MNAT1: variants seen among roughly 807,000 people sequenced by gnomAD.
MNAT1 encodes CDK-activating kinase assembly factor MAT1.
In MNAT1, 43 loss-of-function variants were observed where a neutral mutation model predicts 42.0. That is an observed-to-expected ratio of 1.02 (90% CI 0.80 to 1.32). The LOEUF (loss-of-function observed/expected upper bound fraction) is 1.32, where lower values mean the gene tolerates loss of function less well. Among genes scored for constraint, MNAT1 ranks in the 40% most tolerant of loss-of-function variants. MNAT1 has a pLI of 0.00. For missense variants in MNAT1, 306 were observed against 350.4 expected (o/e 0.87, Z 1.01); for synonymous variants, 118 against 120.0 (o/e 0.98, Z 0.11).
intron 6 of MNAT1, among the ~76,000 whole-genome samples, chr14:60,827,642 TA>T (rs1362543273): frequency 6.6e-6 from 1 of 152,260 alleles, no homozygotes; most frequent in Non-Finnish European, 1.5e-5. Flanking sequence ...ATTCTATTTT[TA>T]ATATATAATT....
intron 2 of MNAT1, among the ~76,000 whole-genome samples, chr14:60,796,776 A>G (rs866877130): frequency 1.3e-5 from 2 of 152,216 alleles, no homozygotes; most frequent in Admixed American, 6.5e-5. Flanking sequence ...CAAGTAAACC[A>G]AAACAAATGT....
At position 60,855,213 on chromosome 14, in the gene MNAT1, G is replaced by A. The variant is rs533414550; in HGVS notation, c.688-24501G>A. ...GACTTCACACTGCTGTGCTGGCAGCGAGAATTTCAAGCCAGTGGTTCTTAG... is the reference window on the plus strand; with the variant it reads ...GACTTCACACTGCTGTGCTGGCAGCAAGAATTTCAAGCCAGTGGTTCTTAG... On this transcript the variant is annotated intron_variant, in intron 6 of 7. Coordinates refer to ENST00000261245, the MANE Select transcript of MNAT1 (RefSeq NM_002431.4). Among the ~76,000 whole-genome samples the A allele has an allele frequency of 3.9e-5, 6 of 152,228 alleles. No homozygotes were observed. In the South Asian group the frequency reaches 8.3e-4, roughly 21 times the overall value.
rs973570911 is a variant in MNAT1 at position 60,905,115 on chromosome 14, C to T, written c.809+25280C>T. 3.3e-5 allele frequency among the ~76,000 whole-genome samples: 5 copies of T among 151,452 alleles called. 1 individual carries two copies. Among genetic ancestry groups the T allele is most frequent in the South Asian group, 4.2e-4 (2 of 4,790 alleles). Reference sequence around the variant, plus strand: ...TCGGTTAGCAAATAGTTATGAAGTGCCTACTGTGTGCCAGTTACTGTTCTG... The same window carrying T: ...TCGGTTAGCAAATAGTTATGAAGTGTCTACTGTGTGCCAGTTACTGTTCTG... On this transcript the variant is annotated intron_variant, in intron 7 of 7. Coordinates refer to ENST00000261245, the MANE Select transcript of MNAT1 (RefSeq NM_002431.4).
At chr14:60,779,278 G>T (rs1250578809) in intron 1 of MNAT1, among the ~76,000 whole-genome samples, 1 of 152,154 alleles carries the variant, frequency 6.6e-6, no homozygotes, top group East Asian at 1.9e-4. Context: ...CCTAAAAAGG[G>T]CATGGTAACC....
intron 7 of MNAT1, among the ~76,000 whole-genome samples, chr14:60,910,211 A>G (rs921998066): frequency 6.6e-6 from 1 of 152,212 alleles, no homozygotes; most frequent in African/African-American, 2.4e-5. Context: ...TTATCAGCTT[A>G]AGGAGATTTT....
chr14:60,942,034 T>TAAAAAAAAAAAAA (rs2036175057), intron 7 of MNAT1, among the ~76,000 whole-genome samples: 1 of 65,512 alleles, frequency 1.5e-5, no homozygotes, highest in African/African-American at 5.2e-5. Flanking sequence ...AAAAAAAAAG[T>TAAAAAAAAAAAAA]CAATAAATGA....
chr14:60,909,439 G>C (rs563787536), intron 7 of MNAT1, among the ~76,000 whole-genome samples: 3 of 152,036 alleles, frequency 2.0e-5, no homozygotes, highest in Non-Finnish European at 4.4e-5. Flanking sequence ...TTTTCTTCTA[G>C]GGTTTTTATG....
Position 60,914,481 on chromosome 14 carries a change from G to A in MNAT1, c.809+34646G>A, listed in dbSNP as rs117316427. 1.1e-3 allele frequency among the ~76,000 whole-genome samples: 171 copies of A among 152,096 alleles called. No individual in the cohort carries two copies. In the East Asian group the frequency reaches 0.023, roughly 21 times the overall value. On this transcript the variant is annotated intron_variant, in intron 7 of 7. Transcript: ENST00000261245. ...CATCTTGGCTCCCCAGCTTTGAATG[G>A]TGTGTCTGGATTGTTATTTTTAATT...
At chr14:60,795,988 A>G (rs923414474) in intron 1 of MNAT1, among the ~76,000 whole-genome samples, 3 of 152,148 alleles carry the variant, frequency 2.0e-5, no homozygotes, top group Admixed American at 6.5e-5. Context: ...TTTAATTTAT[A>G]AATTTGTTTG....
At chr14:60,772,391 C>G (rs912747744) in intron 1 of MNAT1, among the ~76,000 whole-genome samples, 3 of 152,280 alleles carry the variant, frequency 2.0e-5, no homozygotes, top group Admixed American at 2.0e-4. Context: ...TTGAGACCAG[C>G]CTGACCAACA....
chr14:60,779,879 A>G (rs1160299465), intron 1 of MNAT1: 10 of 696,278 alleles, frequency 1.4e-5, no homozygotes, highest in Non-Finnish European at 2.5e-5. Context: ...TTACTTTTGA[A>G]ACTCTTGGCG....
chr14:60,919,402 T>G (rs2035604196), intron 7 of MNAT1: 1 of 156,612 alleles, frequency 6.4e-6, no homozygotes, highest in South Asian at 1.9e-4. Context: ...CTGCACATCA[T>G]GAAGCTAATC....
intron 1 of MNAT1, among the ~76,000 whole-genome samples, chr14:60,769,698 C>T (rs1259372105): frequency 1.2e-4 from 18 of 151,986 alleles, no homozygotes; most frequent in Admixed American, 3.3e-4. Flanking sequence ...CTCCGTTGCC[C>T]GACTGGAGTG....
chr14:60,832,131 C>T (rs2033243664), intron 6 of MNAT1, among the ~76,000 whole-genome samples: 2 of 152,202 alleles, frequency 1.3e-5, no homozygotes, highest in South Asian at 4.1e-4. Flanking sequence ...CTGTAGGTTG[C>T]CTATTCACTC....
chr14:60,775,238 C>T (rs977558062), intron 1 of MNAT1, among the ~76,000 whole-genome samples: 2 of 152,134 alleles, frequency 1.3e-5, no homozygotes, highest in Non-Finnish European at 2.9e-5. Flanking sequence ...TCAGTTAATG[C>T]TGCTAAGAGG....
chr14:60,802,687 G>C (rs1463891109), intron 3 of MNAT1, among the ~76,000 whole-genome samples: 1 of 152,148 alleles, frequency 6.6e-6, no homozygotes, highest in Non-Finnish European at 1.5e-5. Context: ...TGTAGGAAGT[G>C]TGTTAGAGTA....
chr14:60,910,115 G>A (rs932725530), intron 7 of MNAT1, among the ~76,000 whole-genome samples: 10 of 152,052 alleles, frequency 6.6e-5, no homozygotes, highest in Admixed American at 5.9e-4. Flanking sequence ...TCATGATTTG[G>A]CTCTCTGTTT....
chr14:60,814,729 G>A (rs2032659005), intron 5 of MNAT1, among the ~76,000 whole-genome samples: 1 of 152,050 alleles, frequency 6.6e-6, no homozygotes, highest in African/African-American at 2.4e-5. Context: ...AGAAAACACT[G>A]TCATAAAACT....
intron 1 of MNAT1, among the ~76,000 whole-genome samples, chr14:60,760,228 G>A (rs1261427057): frequency 6.6e-6 from 1 of 151,876 alleles, no homozygotes; most frequent in Non-Finnish European, 1.5e-5. Flanking sequence ...TTGAGTATCA[G>A]CATATGCTTT....
Sources: allele counts gnomAD v4.1 joint callset (sites outside exome capture counted in the v4.1 genomes callset), GRCh38; gene constraint gnomAD v4.1.1; transcripts MANE v1.5; gene names NCBI Gene and HGNC (gene_info 2026-07-23, HGNC 2026-07-21).